G6PC1: variants seen among roughly 807,000 people sequenced by gnomAD.
The protein encoded by G6PC1 is G-6-Pase.
G6PC1 carries 23 observed loss-of-function variants against 30.4 expected under a neutral mutation model. That is an observed-to-expected ratio of 0.76 (90% CI 0.55 to 1.07). The LOEUF is 1.07. G6PC1 is among the 50% of genes least tolerant of loss of function. The pLI, the probability that G6PC1 is intolerant of heterozygous loss-of-function variation, is 0.00. For synonymous variants in G6PC1, 163 were observed against 175.6 expected (o/e 0.93, Z 0.57); for missense variants, 391 against 433.9 (o/e 0.90, Z 0.88).
intron 1 of G6PC1, 102 bp downstream of exon 1, chr17:42,901,208 C>G (rs932438715): frequency 2.0e-6 from 2 of 976,818 alleles, no homozygotes; most frequent in Admixed American, 1.7e-5. Context: ...ATTCAGGAAG[C>G]CACGGGCTAC....
intron 2 of G6PC1, 119 bp from the exon 3 acceptor site, chr17:42,907,404 G>T: frequency 1.4e-6 from 1 of 719,224 alleles, no homozygotes; most frequent in Non-Finnish European, 2.5e-6. Flanking sequence ...GGGGGTGAAT[G>T]GATGGATGAA....
intron 3 of G6PC1, among the ~76,000 whole-genome samples, chr17:42,908,049 G>A (rs2056072732): frequency 1.3e-5 from 2 of 152,114 alleles, no homozygotes; most frequent in Admixed American, 1.3e-4. Context: ...TTTTATTTTT[G>A]AGATGCAGTC....
intron 2 of G6PC1, among the ~76,000 whole-genome samples, chr17:42,905,415 GA>G (rs1241281428): frequency 0.047 from 2,294 of 48,792 alleles, 32 homozygotes; most frequent in Middle Eastern, 0.094. Flanking sequence ...GACACCATCT[GA>G]AAAAAAAAAA....
intron 2 of G6PC1, among the ~76,000 whole-genome samples, chr17:42,905,409 C>A (rs1169988054): frequency 1.6e-5 from 2 of 123,910 alleles, no homozygotes; most frequent in African/African-American, 6.5e-5. Context: ...AAATGAGACA[C>A]CATCTGAAAA....
chr17:42,910,886 C>A (rs772241157), intron 4 of G6PC1, 29 bp from the exon 5 acceptor site: 1 of 1,612,396 alleles, frequency 6.2e-7, no homozygotes, highest in South Asian at 1.1e-5. Flanking sequence ...TCCTTCCTAT[C>A]TCTCACAGTC....
At chr17:42,903,824 G>A in intron 1 of G6PC1, 107 bp from the exon 2 acceptor site, 1 of 789,768 alleles carries the variant, frequency 1.3e-6, no homozygotes, top group Admixed American at 1.8e-5. Flanking sequence ...CTCCCTTCTA[G>A]AGGCAACATG....
rs1480193366 is a variant in G6PC1, at chr17:42,903,937, CT to C, written c.240del (p.Phe80LeufsTer22). The C allele has an allele frequency of 6.2e-7, 1 of 1,610,642 alleles. No homozygotes were observed. Among genetic ancestry groups the C allele is most frequent in the Non-Finnish European group, 8.5e-7 (1 of 1,176,878 alleles). On this transcript the variant is annotated frameshift_variant, in exon 2 of 5. Transcript: ENST00000253801. LOFTEE classifies it high-confidence loss of function. ...TTGTTCTGTTTTTCCATAGGATTCT[CT>C]TTGGACAGCGTCCATACTGGTGGGT... is the stretch of plus-strand genomic sequence containing the variant. Reference protein sequence around the residue: ...WLNLVFKWILFGQRPYWWVLD... With the variant: ...WLNLVFKWILXGQRPYWWVLD...
chr17:42,902,982 A>C (rs1033265307), intron 1 of G6PC1, among the ~76,000 whole-genome samples: 1 of 152,030 alleles, frequency 6.6e-6, no homozygotes, highest in Non-Finnish European at 1.5e-5. Context: ...ATGCAAGTCC[A>C]AGTTTCAAAC....
chr17:42,910,268 T>C (rs1444109268), intron 4 of G6PC1, among the ~76,000 whole-genome samples: 1 of 152,176 alleles, frequency 6.6e-6, no homozygotes, highest in African/African-American at 2.4e-5. Flanking sequence ...GTGGAATTTC[T>C]CCCCTGGAGA....
intron 2 of G6PC1, among the ~76,000 whole-genome samples, chr17:42,905,004 T>TG (rs893744603): frequency 5.9e-5 from 9 of 151,680 alleles, no homozygotes; most frequent in Non-Finnish European, 8.8e-5. Context: ...CTCAGCTACC[T>TG]GGGAGGCTGA....
At chr17:42,902,394 C>T (rs1439496644) in intron 1 of G6PC1, among the ~76,000 whole-genome samples, 1 of 152,056 alleles carries the variant, frequency 6.6e-6, no homozygotes, top group Non-Finnish European at 1.5e-5. Flanking sequence ...ATTACAGGTG[C>T]CCGCCACCAT....
At chr17:42,909,868 G>GTT (rs1018159270) in intron 4 of G6PC1, among the ~76,000 whole-genome samples, 1 of 140,524 alleles carries the variant, frequency 7.1e-6, no homozygotes, top group Non-Finnish European at 1.6e-5. Context: ...GTTTTTTTTT[G>GTT]TTTTTTTTTT....
chr17:42,909,292 T>C lies in G6PC1; in HGVS notation c.447-11T>C. ...ACCTGTGTTCTGTTATGGTTGCCTCTTCTGTTGCAGGTGCTTGAATGTCAT... is the reference window on the plus strand; with the variant it reads ...ACCTGTGTTCTGTTATGGTTGCCTCCTCTGTTGCAGGTGCTTGAATGTCAT... On this transcript the variant is annotated splice_polypyrimidine_tract_variant and intron_variant, in intron 3 of 4. Transcript: ENST00000253801. 1.3e-6 allele frequency: 2 copies of C among 1,595,510 alleles called. No homozygotes were observed. The highest frequency in any genetic ancestry group is 1.7e-6 in the Non-Finnish European group (2 of 1,163,026).
At chr17:42,903,742 A>T (rs2056041449) in intron 1 of G6PC1, among the ~76,000 whole-genome samples, 189 bp from the exon 2 acceptor site, 1 of 152,086 alleles carries the variant, frequency 6.6e-6, no homozygotes, top group South Asian at 2.1e-4. Flanking sequence ...ACAGTTCAAA[A>T]TGCAAAAGTT....
In G6PC1 at chr17:42,905,245, C is replaced by A. The variant is rs1597988803; in HGVS notation, c.340+1205C>A. Reference sequence around the variant, plus strand: ...TTCAAGACCAGCCTGGCCAACATGGCAAAACCCTGTCTCTACTAAAAATAC... The same window carrying A: ...TTCAAGACCAGCCTGGCCAACATGGAAAAACCCTGTCTCTACTAAAAATAC... On this transcript the variant is annotated intron_variant, in intron 2 of 4. Transcript: ENST00000253801. Among the ~76,000 whole-genome samples the A allele has an allele frequency of 2.6e-5, 4 of 151,206 alleles. No individual in the cohort carries two copies. In the South Asian group the frequency reaches 8.4e-4, roughly 32 times the overall value.
At chr17:42,903,379 T>G (rs2056039192) in intron 1 of G6PC1, among the ~76,000 whole-genome samples, 1 of 151,258 alleles carries the variant, frequency 6.6e-6, no homozygotes, top group Non-Finnish European at 1.5e-5. Context: ...CCACCGCGCC[T>G]GCCTGGAGTT....
Position 42,911,417 on chromosome 17 carries a change from G to T in G6PC1, c.1065G>T (p.Lys355Asn), listed in dbSNP as rs746978011. ...LAQVLGQPHK[K>N]SL ...AGGTCCTGGGCCAGCCGCACAAGAAGTCGTTGTAAGAGATGTGGAGTCTTC... is the reference window on the plus strand; with the variant it reads ...AGGTCCTGGGCCAGCCGCACAAGAATTCGTTGTAAGAGATGTGGAGTCTTC... Residue 355 changes from lysine to asparagine, a missense_variant, in exon 5 of 5, where the codon AAG becomes AAT. By Grantham distance (94) the Lys-to-Asn change is moderately conservative. Transcript: ENST00000253801. 6.8e-6 allele frequency: 11 copies of T among 1,614,070 alleles called. No individual in the cohort carries two copies. In the East Asian group the frequency reaches 2.2e-4, roughly 33 times the overall value.
chr17:42,911,577 G>C lies in G6PC1; in HGVS notation c.*151G>C. 3 of 1,197,734 alleles carry C rather than the reference G, an allele frequency of 2.5e-6. No individual in the cohort carries two copies. Among genetic ancestry groups the C allele is most frequent in the Non-Finnish European group, 3.6e-6 (3 of 841,758 alleles). 74.2% of individuals were successfully genotyped at this position (1,197,734 alleles called of 1,614,324 possible). The stretch of plus-strand genomic sequence containing the variant: ...TTAAATCACGGATGGCAGATTGGAG[G>C]GTCGCCTGGCTTATTCCCATGTGTG... On this transcript the variant is annotated 3_prime_UTR_variant, in exon 5 of 5. Coordinates refer to ENST00000253801, the MANE Select transcript of G6PC1 (RefSeq NM_000151.4).
chr17:42,905,190 T>A (rs2056051161), intron 2 of G6PC1, among the ~76,000 whole-genome samples: 2 of 150,724 alleles, frequency 1.3e-5, no homozygotes, highest in Non-Finnish European at 3.0e-5. Flanking sequence ...TTTGGGAGGC[T>A]GAGGCGGGTG....
Sources: allele counts gnomAD v4.1 joint callset (sites outside exome capture counted in the v4.1 genomes callset), GRCh38; gene constraint gnomAD v4.1.1; transcripts MANE v1.5; gene names NCBI Gene and HGNC (gene_info 2026-07-23, HGNC 2026-07-21).